Variants in GABRB1 observed in about 807,000 individuals in gnomAD.
GABRB1 encodes the protein gamma-aminobutyric acid type A receptor subunit beta1.
Under a neutral mutation model 51.6 loss-of-function variants are expected in GABRB1, and 17 were observed. The ratio of observed to expected loss-of-function variants is 0.33; its 90% confidence interval spans 0.23 to 0.49. The LOEUF is 0.49. GABRB1 is among the 20% of genes least tolerant of loss of function. The pLI is 0.99. For synonymous variants in GABRB1, 247 were observed against 218.9 expected (o/e 1.13, Z -1.14); for missense variants, 410 against 600.6 (o/e 0.68, Z 3.32).
chr4:47,070,027 T>G (rs1012753966), intron 3 of GABRB1, among the ~76,000 whole-genome samples: 1 of 143,348 alleles, frequency 7.0e-6, no homozygotes, highest in Admixed American at 7.0e-5. Flanking sequence ...GTTGTTGCTG[T>G]TTTTTTTTTT....
chr4:47,396,660 T>A (rs1728189111), intron 5 of GABRB1, among the ~76,000 whole-genome samples: 1 of 152,174 alleles, frequency 6.6e-6, no homozygotes, highest in Non-Finnish European at 1.5e-5. Flanking sequence ...AAACTACTTT[T>A]TCCAGTAATT....
At chr4:47,049,315 C>T (rs1726240801) in intron 3 of GABRB1, among the ~76,000 whole-genome samples, 1 of 152,094 alleles carries the variant, frequency 6.6e-6, no homozygotes, top group African/African-American at 2.4e-5. Context: ...CTCTCCATTC[C>T]AGGATTCTCT....
At chr4:47,339,823 GCACA>G (rs150988131) in intron 5 of GABRB1, among the ~76,000 whole-genome samples, 2,092 of 141,846 alleles carry the variant, frequency 0.015, 32 homozygotes, top group African/African-American at 0.036. Flanking sequence ...ATAAATAAAT[GCACA>G]CACACACACA....
rs950929445 is a variant in GABRB1 at position 47,340,438 on chromosome 4, G to A, written c.544+20229G>A. On this transcript the variant is annotated intron_variant, in intron 5 of 8. Transcript: ENST00000295454. ...TGCGCTGGTATAATATGATACCTTC[G>A]AGGGGGTAGGTTATACACAGCAGAA... is the stretch of plus-strand genomic sequence containing the variant. 2.0e-5 allele frequency among the ~76,000 whole-genome samples: 3 copies of A among 151,982 alleles called. No individual in the cohort carries two copies. The South Asian group carries it at 6.2e-4, about 32-fold the overall frequency.
intron 5 of GABRB1, among the ~76,000 whole-genome samples, chr4:47,374,380 C>A (rs1453604814): frequency 1.3e-5 from 2 of 152,116 alleles, no homozygotes; most frequent in Admixed American, 1.3e-4. Context: ...CAGAGAGAGA[C>A]CCTGCCTCAG....
intron 4 of GABRB1, among the ~76,000 whole-genome samples, chr4:47,239,756 C>T (rs1207978137): frequency 6.6e-6 from 1 of 152,186 alleles, no homozygotes; most frequent in Non-Finnish European, 1.5e-5. Context: ...AATACTGTAG[C>T]TGTTTTTCAC....
At chr4:47,273,128 C>T (rs530809535) in intron 4 of GABRB1, among the ~76,000 whole-genome samples, 10 of 152,246 alleles carry the variant, frequency 6.6e-5, no homozygotes, top group African/African-American at 2.2e-4. Flanking sequence ...TTTAAAAAGC[C>T]TTAAGAACCT....
At chr4:47,150,185 ACACACACAC>A (rs1717364871) in intron 3 of GABRB1, among the ~76,000 whole-genome samples, 1 of 4,552 alleles carries the variant, frequency 2.2e-4, no homozygotes, top group Admixed American at 2.7e-3. Context: ...CACACACAAC[ACACACACAC>A]ACACACACAC....
At chr4:47,001,666 C>G (rs1724223295) in intron 1 of GABRB1, among the ~76,000 whole-genome samples, 1 of 152,228 alleles carries the variant, frequency 6.6e-6, no homozygotes, top group African/African-American at 2.4e-5. Flanking sequence ...GGTCTCCAGT[C>G]TGCCAGACTT....
intron 4 of GABRB1, among the ~76,000 whole-genome samples, chr4:47,243,602 C>T (rs1235053587): frequency 6.6e-6 from 1 of 152,194 alleles, no homozygotes; most frequent in Non-Finnish European, 1.5e-5. Context: ...AGGTCCTTCA[C>T]ATCCCTTGTA....
chr4:47,391,874 C>T (rs1240320796), intron 5 of GABRB1, among the ~76,000 whole-genome samples: 1 of 152,006 alleles, frequency 6.6e-6, no homozygotes, highest in Non-Finnish European at 1.5e-5. Context: ...TGAAAGAAGG[C>T]CCTTTTCTTC....
At chr4:46,997,831 C>T (rs1724050206) in intron 1 of GABRB1, among the ~76,000 whole-genome samples, 1 of 152,166 alleles carries the variant, frequency 6.6e-6, no homozygotes, top group African/African-American at 2.4e-5. Context: ...CACTGATGGA[C>T]ACACATAGGT....
At chr4:47,152,477 T>C (rs1273595979) in intron 3 of GABRB1, among the ~76,000 whole-genome samples, 1 of 152,030 alleles carries the variant, frequency 6.6e-6, no homozygotes, top group South Asian at 2.1e-4. Context: ...AGTGAGTGAC[T>C]GATCCTAGAA....
intron 5 of GABRB1, among the ~76,000 whole-genome samples, chr4:47,333,150 A>G (rs953732088): frequency 6.9e-6 from 1 of 145,362 alleles, no homozygotes; most frequent in African/African-American, 2.5e-5. Flanking sequence ...TATTATATTT[A>G]TATATTTAAA....
intron 3 of GABRB1, among the ~76,000 whole-genome samples, chr4:47,090,864 CTT>C (rs1728262481): frequency 6.6e-6 from 1 of 152,172 alleles, no homozygotes. Flanking sequence ...CTTCCCTACT[CTT>C]CTTTCATGAG....
At chr4:47,388,001 G>A (rs557676899) in intron 5 of GABRB1, among the ~76,000 whole-genome samples, 12 of 152,288 alleles carry the variant, frequency 7.9e-5, no homozygotes, top group East Asian at 7.7e-4. Context: ...GATCTTGGCC[G>A]TTGCACTAGA....
At chr4:47,281,259 G>A (rs543116426) in intron 4 of GABRB1, among the ~76,000 whole-genome samples, 2 of 152,254 alleles carry the variant, frequency 1.3e-5, no homozygotes, top group South Asian at 4.1e-4. Flanking sequence ...TTTCTCAAAA[G>A]AAGAGATTCA....
chr4:47,075,999 C>T (rs1056955559), intron 3 of GABRB1, among the ~76,000 whole-genome samples: 9 of 152,144 alleles, frequency 5.9e-5, no homozygotes, highest in Admixed American at 5.9e-4. Flanking sequence ...TTCTGTAATC[C>T]TTGTGCAGAT....
intron 5 of GABRB1, among the ~76,000 whole-genome samples, chr4:47,366,252 G>T (rs897656506): frequency 5.3e-5 from 8 of 152,152 alleles, no homozygotes; most frequent in Admixed American, 2.6e-4. Flanking sequence ...TCTCTTCAGT[G>T]TGCATGCAGG....
Sources: allele counts gnomAD v4.1 joint callset (sites outside exome capture counted in the v4.1 genomes callset), GRCh38; gene constraint gnomAD v4.1.1; transcripts MANE v1.5; gene names NCBI Gene and HGNC (gene_info 2026-07-23, HGNC 2026-07-21).